PPP2R5E: variants seen among roughly 807,000 people sequenced by gnomAD.
PPP2R5E encodes protein phosphatase 2 regulatory subunit B'epsilon.
In PPP2R5E, 4 loss-of-function variants were observed where a neutral mutation model predicts 65.3. The ratio of observed to expected loss-of-function variants is 0.06; its 90% CI spans 0.03 to 0.14. PPP2R5E has a LOEUF of 0.14. Ranked by LOEUF, PPP2R5E falls within the 10% of genes least tolerant of loss-of-function variation. The probability of loss-of-function intolerance (pLI) is 1.00; values close to 1 mark genes in which losing one functional copy is unlikely to be tolerated. For missense variants in PPP2R5E, 274 were observed against 556.1 expected, an observed-to-expected ratio of 0.49 and a Z score of 5.10; for synonymous variants, 183 against 187.4, an observed-to-expected ratio of 0.98 and a Z score of 0.19.
At chr14:63,499,086 C>T (rs563457620) in intron 2 of PPP2R5E, among the ~76,000 whole-genome samples, 35 of 152,188 alleles carry the variant, frequency 2.3e-4, no homozygotes, top group Non-Finnish European at 4.6e-4. Flanking sequence ...TTAAGAAATG[C>T]AGCTACTCAT....
rs1890843331 is a variant in PPP2R5E at position 63,483,974 on chromosome 14, T to G, written c.158-30089A>C. Among the ~76,000 whole-genome samples, 4 of 151,542 alleles carry G rather than the reference T, an allele frequency of 2.6e-5. No individual in the cohort carries two copies. In the South Asian group the frequency reaches 8.4e-4, roughly 32 times the overall value. On this transcript the variant is annotated intron_variant, in intron 2 of 13. Transcript: ENST00000337537. ...GGCGCGCGCCTATAGTCCCAGCTAC[T>G]CAGGGGGGCTGAGGCAGGAGAATCG...
chr14:63,524,691 G>C (rs1893106913), intron 2 of PPP2R5E, among the ~76,000 whole-genome samples: 1 of 152,174 alleles, frequency 6.6e-6, no homozygotes, highest in South Asian at 2.1e-4. Context: ...CACAGCATGA[G>C]TTGCACAGGG....
intron 5 of PPP2R5E, among the ~76,000 whole-genome samples, chr14:63,397,757 T>C (rs1380181276): frequency 6.6e-6 from 1 of 150,440 alleles, no homozygotes; most frequent in Non-Finnish European, 1.5e-5. Flanking sequence ...GGAGTATTGC[T>C]CTGTTGCCCA....
At position 63,375,133 on chromosome 14, in the gene PPP2R5E, G is replaced by A. The variant is rs1883917067; in HGVS notation, c.*876C>T. The A allele has an allele frequency of 6.6e-6, 1 of 152,494 alleles. No homozygotes were observed. The highest frequency in any genetic ancestry group is 2.4e-5 in the African/African-American group (1 of 41,402). The allele number at this position is 152,494 out of a possible 1,614,324, so 9.4% of individuals were successfully genotyped here. ...TTCATGGTTGTATTGTTTAGTGTTT[G>A]TCTTTCTTATTTCAAATGGTCCAAA... On this transcript the variant is annotated 3_prime_UTR_variant, in exon 14 of 14. Transcript: ENST00000337537.
chr14:63,391,013 T>C (rs533642719), intron 10 of PPP2R5E, among the ~76,000 whole-genome samples: 3 of 152,276 alleles, frequency 2.0e-5, no homozygotes, highest in East Asian at 1.9e-4. Flanking sequence ...TAAAGGTCTG[T>C]TGTCTATTCT....
intron 2 of PPP2R5E, among the ~76,000 whole-genome samples, chr14:63,497,770 AAAAAAACAAACAC>A (rs904665325): frequency 2.0e-5 from 3 of 151,798 alleles, no homozygotes; most frequent in African/African-American, 7.3e-5. Context: ...AAACAAACAA[AAAAAAACAAACAC>A]AAAAAACACA....
chr14:63,474,725 T>C (rs1040427114), intron 2 of PPP2R5E, among the ~76,000 whole-genome samples: 12 of 73,780 alleles, frequency 1.6e-4, no homozygotes, highest in African/African-American at 6.0e-4. Flanking sequence ...GCAAAAGAAA[T>C]GTCATATTTG....
At chr14:63,429,080 T>C (rs897793001) in intron 3 of PPP2R5E, among the ~76,000 whole-genome samples, 2 of 152,188 alleles carry the variant, frequency 1.3e-5, no homozygotes, top group African/African-American at 4.8e-5. Context: ...CCTGTAGTTA[T>C]ATTTTTGTTA....
chr14:63,382,193 G>C, intron 12 of PPP2R5E, 36 bp from the exon 13 acceptor site: 1 of 1,541,052 alleles, frequency 6.5e-7, no homozygotes, highest in East Asian at 2.3e-5. Flanking sequence ...GTGTTAGTTA[G>C]TCTTATAAAA....
chr14:63,403,565 G>T (rs1295611763), intron 5 of PPP2R5E, among the ~76,000 whole-genome samples: 1 of 151,706 alleles, frequency 6.6e-6, no homozygotes, highest in Non-Finnish European at 1.5e-5. Context: ...GGAAGTGCTG[G>T]GATGACTGTG....
chr14:63,542,034 CACTCTA>C (rs943825150), intron 1 of PPP2R5E, among the ~76,000 whole-genome samples: 2 of 152,214 alleles, frequency 1.3e-5, no homozygotes, highest in Non-Finnish European at 2.9e-5. Flanking sequence ...ATTTAGACTT[CACTCTA>C]ACTCTAACAC....
At chr14:63,528,914 T>C (rs193062489) in intron 2 of PPP2R5E, among the ~76,000 whole-genome samples, 1 of 152,298 alleles carries the variant, frequency 6.6e-6, no homozygotes, top group African/African-American at 2.4e-5. Flanking sequence ...CAGAAGATCA[T>C]ATTTTAATGG....
intron 3 of PPP2R5E, among the ~76,000 whole-genome samples, chr14:63,444,691 T>C (rs1390433698): frequency 1.3e-5 from 2 of 152,206 alleles, no homozygotes; most frequent in African/African-American, 4.8e-5. Context: ...CAAGGTGATT[T>C]GGAAAGCCAG....
At chr14:63,413,770 C>T (rs1017865221) in intron 5 of PPP2R5E, among the ~76,000 whole-genome samples, 1 of 152,162 alleles carries the variant, frequency 6.6e-6, no homozygotes, top group African/African-American at 2.4e-5. Context: ...CTATTTACCC[C>T]GTGATCCACG....
At chr14:63,444,499 G>A (rs977858020) in intron 3 of PPP2R5E, among the ~76,000 whole-genome samples, 9 of 152,130 alleles carry the variant, frequency 5.9e-5, no homozygotes, top group Admixed American at 3.3e-4. Context: ...AAATGTAAAA[G>A]TGTAACACTG....
intron 5 of PPP2R5E, among the ~76,000 whole-genome samples, chr14:63,409,165 G>C (rs546670703): frequency 2.0e-5 from 3 of 152,120 alleles, no homozygotes; most frequent in African/African-American, 7.2e-5. Context: ...CCCAGGAGGC[G>C]GAGGTTGCAG....
chr14:63,479,927 A>G (rs1048515730), intron 2 of PPP2R5E, among the ~76,000 whole-genome samples: 2 of 152,194 alleles, frequency 1.3e-5, no homozygotes, highest in Non-Finnish European at 2.9e-5. Context: ...AAGGCACCAA[A>G]GGTCGCTACT....
chr14:63,379,227 A>T (rs978375475), intron 13 of PPP2R5E, among the ~76,000 whole-genome samples: 1 of 151,738 alleles, frequency 6.6e-6, no homozygotes, highest in Non-Finnish European at 1.5e-5. Context: ...ACGGGGTTTC[A>T]CCATGTTAGC....
chr14:63,447,985 G>C (rs963656093), intron 3 of PPP2R5E, among the ~76,000 whole-genome samples: 1 of 152,134 alleles, frequency 6.6e-6, no homozygotes, highest in Non-Finnish European at 1.5e-5. Context: ...ACATTTCATG[G>C]TGTCCCAAAG....
Sources: gnomAD v4.1 joint callset for allele counts (sites outside exome capture counted in the v4.1 genomes callset) on GRCh38, gnomAD v4.1.1 for gene constraint, MANE v1.5 for transcripts, NCBI Gene and HGNC (gene_info 2026-07-23, HGNC 2026-07-21) for gene names.